The following KLF12 variants were observed in gnomAD, a reference collection of about 807,000 sequenced individuals.
The protein encoded by KLF12 is Krueppel-like factor 12.
In KLF12, 9 loss-of-function variants were observed where a neutral mutation model predicts 37.8. The ratio of observed to expected loss-of-function variants is 0.24; its 90% CI spans 0.14 to 0.42. The LOEUF (loss-of-function observed/expected upper bound fraction) is 0.42, where lower values mean the gene tolerates loss of function less well. Ranked by LOEUF, KLF12 falls within the 10% of genes least tolerant of loss-of-function variation. The pLI, the probability that KLF12 is intolerant of heterozygous loss-of-function variation, is 1.00. For missense variants in KLF12, 411 were observed against 516.0 expected, an observed-to-expected ratio of 0.80 and a Z score of 1.97; for synonymous variants, 208 against 202.1, an observed-to-expected ratio of 1.03 and a Z score of -0.25.
chr13:74,092,461 T>TA (rs35771392), intron 1 of KLF12, among the ~76,000 whole-genome samples: 86,650 of 142,028 alleles, frequency 0.61, 25,904 homozygotes, highest in East Asian at 0.87. Flanking sequence ...CCGTCTCTAC[T>TA]AAAAAAAAAA....
At chr13:74,062,866 T>C (rs1428901100) in intron 1 of KLF12, among the ~76,000 whole-genome samples, 1 of 152,194 alleles carries the variant, frequency 6.6e-6, no homozygotes, top group African/African-American at 2.4e-5. Context: ...GGAACCTATT[T>C]TGTTGGATGG....
At chr13:74,231,191 A>G in the KLF12 span, among the ~76,000 whole-genome samples, 12 of 149,502 alleles carry the variant, frequency 8.0e-5, no homozygotes, top group African/African-American at 3.1e-4. Context: ...ACTTCAGGTC[A>G]GGGACCATGT....
chr13:74,026,613 A>G (rs532069285), intron 1 of KLF12, among the ~76,000 whole-genome samples: 1 of 152,338 alleles, frequency 6.6e-6, no homozygotes, highest in South Asian at 2.1e-4. Context: ...TTAAAATAGT[A>G]CATTTCTGTT....
intron 2 of KLF12, among the ~76,000 whole-genome samples, chr13:73,967,003 C>A (rs1891187085): frequency 1.3e-5 from 2 of 152,148 alleles, no homozygotes; most frequent in Non-Finnish European, 1.5e-5. Flanking sequence ...AAAATGACTT[C>A]CAGGATATGC....
chr13:74,173,397 C>T, the KLF12 span, among the ~76,000 whole-genome samples: 3 of 152,132 alleles, frequency 2.0e-5, no homozygotes, highest in Non-Finnish European at 2.9e-5. Context: ...CTTTCCCAGC[C>T]CTTCTTGCAT....
intron 2 of KLF12, among the ~76,000 whole-genome samples, chr13:73,965,429 T>C (rs1019898798): frequency 1.3e-5 from 2 of 152,272 alleles, no homozygotes; most frequent in Admixed American, 6.5e-5. Context: ...CTAACTAATA[T>C]ATACAAGGAT....
chr13:74,114,408 TG>T (rs1877164146), intron 1 of KLF12, among the ~76,000 whole-genome samples: 1 of 152,200 alleles, frequency 6.6e-6, no homozygotes, highest in African/African-American at 2.4e-5. Context: ...TATTATGCTT[TG>T]GGGAAATAAA....
At chr13:73,766,898 A>G (rs539188295) in intron 5 of KLF12, among the ~76,000 whole-genome samples, 12 of 152,196 alleles carry the variant, frequency 7.9e-5, no homozygotes, top group African/African-American at 2.4e-5. Context: ...AATTTCACTG[A>G]TCCATAGATC....
chr13:73,765,046 C>A, intron 5 of KLF12, 46 bp from the exon 6 acceptor site: 2 of 1,166,490 alleles, frequency 1.7e-6, no homozygotes, highest in Non-Finnish European at 2.5e-6. Context: ...AGCATATTCC[C>A]AATTGCAAAT....
chr13:74,092,431 CG>C (rs1368573054), intron 1 of KLF12, among the ~76,000 whole-genome samples: 1 of 149,382 alleles, frequency 6.7e-6, no homozygotes, highest in Non-Finnish European at 1.5e-5. Flanking sequence ...TATAACCAGC[CG>C]GGCCAACATG....
chr13:74,168,921 A>C, the KLF12 span, among the ~76,000 whole-genome samples: 1 of 152,234 alleles, frequency 6.6e-6, no homozygotes, highest in Admixed American at 6.5e-5. Flanking sequence ...AGGGATTGAA[A>C]TTCATATTTG....
At chr13:73,753,239 C>T (rs1878911592) in intron 6 of KLF12, among the ~76,000 whole-genome samples, 1 of 152,116 alleles carries the variant, frequency 6.6e-6, no homozygotes, top group Non-Finnish European at 1.5e-5. Flanking sequence ...CCCTCATTCA[C>T]TTTTCGTTCC....
intron 6 of KLF12, among the ~76,000 whole-genome samples, chr13:73,719,205 C>G (rs904458872): frequency 2.0e-5 from 3 of 152,102 alleles, no homozygotes; most frequent in Admixed American, 6.5e-5. Context: ...GCAGAAGAAC[C>G]TGAAGAACAC....
the KLF12 span, among the ~76,000 whole-genome samples, chr13:74,198,494 T>C: frequency 7.1e-6 from 1 of 140,682 alleles, no homozygotes; most frequent in Non-Finnish European, 1.6e-5. Flanking sequence ...TGTTAGACCT[T>C]CCATCTACAC....
intron 6 of KLF12, among the ~76,000 whole-genome samples, chr13:73,731,043 T>C (rs956746594): frequency 1.3e-5 from 2 of 152,164 alleles, no homozygotes; most frequent in African/African-American, 4.8e-5. Context: ...GAGCTATCTA[T>C]TGCCATCACT....
At chr13:74,189,047 G>A in the KLF12 span, among the ~76,000 whole-genome samples, 1 of 152,076 alleles carries the variant, frequency 6.6e-6, no homozygotes, top group African/African-American at 2.4e-5. Flanking sequence ...TGATTTTCCT[G>A]CTTAAATAAG....
intron 2 of KLF12, among the ~76,000 whole-genome samples, chr13:73,989,047 C>A (rs1891897372): frequency 6.6e-6 from 1 of 152,078 alleles, no homozygotes; most frequent in Non-Finnish European, 1.5e-5. Context: ...TTTTTAAACA[C>A]CACAGCAAGT....
At chr13:74,051,341 A>ACACAC (rs1872911332) in intron 1 of KLF12, among the ~76,000 whole-genome samples, 258 of 143,768 alleles carry the variant, frequency 1.8e-3, no homozygotes, top group Non-Finnish European at 3.4e-3. Flanking sequence ...TACACACACA[A>ACACAC]ACACACACAC....
At chr13:73,930,174 G>C (rs1474733886) in intron 3 of KLF12, among the ~76,000 whole-genome samples, 1 of 152,148 alleles carries the variant, frequency 6.6e-6, no homozygotes, top group African/African-American at 2.4e-5. Context: ...ATGTAAAGAT[G>C]ATTGGTTCAA....
Sources: allele counts gnomAD v4.1 joint callset (sites outside exome capture counted in the v4.1 genomes callset), GRCh38; gene constraint gnomAD v4.1.1; transcripts MANE v1.5; gene names NCBI Gene and HGNC (gene_info 2026-07-23, HGNC 2026-07-21).